IKBKB-DT: variants seen among roughly 807,000 people sequenced by gnomAD.
IKBKB-DT encodes the protein IKBKB antisense RNA.
chr8:42,242,717 C>T (rs1335837339), intron 3 of IKBKB-DT, among the ~76,000 whole-genome samples: 3 of 152,218 alleles, frequency 2.0e-5, no homozygotes, highest in Non-Finnish European at 4.4e-5. Context: ...GCCACCTCTG[C>T]CAAGTGTCCC....
At position 42,261,774 on chromosome 8, in the gene IKBKB-DT, T is replaced by C. The variant is rs113667744; in HGVS notation, n.1529+1555A>G. Among the ~76,000 whole-genome samples, 455 of 152,312 alleles carry C rather than the reference T, an allele frequency of 3.0e-3. 5 individuals carry two copies. The highest frequency in any genetic ancestry group is 0.024 in the Middle Eastern group (7 of 294). On this transcript the variant is annotated intron_variant and non_coding_transcript_variant, in intron 3 of 3. Coordinates refer to ENST00000518213, the Ensembl canonical transcript of IKBKB-DT. ...CTCTTTGAACTAGATTCTGACCGTT[T>C]TGATGATTGTAGGTTGACAGACACT...
At chr8:42,238,439 T>C (rs1806953221) in intron 3 of IKBKB-DT, among the ~76,000 whole-genome samples, 1 of 152,188 alleles carries the variant, frequency 6.6e-6, no homozygotes, top group Non-Finnish European at 1.5e-5. Flanking sequence ...GACCCCCTCC[T>C]TGTTCAGGGA....
intron 3 of IKBKB-DT, among the ~76,000 whole-genome samples, chr8:42,256,584 T>C (rs566584781): frequency 3.5e-4 from 53 of 152,022 alleles, no homozygotes; most frequent in African/African-American, 1.3e-3. Context: ...AAAAAAATAA[T>C]AATAATTAAA....
intron 3 of IKBKB-DT, among the ~76,000 whole-genome samples, chr8:42,251,444 A>G (rs1296317706): frequency 1.3e-5 from 2 of 152,216 alleles, no homozygotes; most frequent in African/African-American, 4.8e-5. Flanking sequence ...AGGAAGCAAT[A>G]ACATGTCCAT....
At chr8:42,234,796 A>G (rs1435802176) in intron 3 of IKBKB-DT, among the ~76,000 whole-genome samples, 1 of 151,920 alleles carries the variant, frequency 6.6e-6, no homozygotes, top group African/African-American at 2.4e-5. Flanking sequence ...CGCCTGACTA[A>G]TTTTTGTACT....
At chr8:42,239,650 A>ATT in intron 3 of IKBKB-DT, among the ~76,000 whole-genome samples, 1 of 110,752 alleles carries the variant, frequency 9.0e-6, no homozygotes, top group Non-Finnish European at 1.8e-5. Flanking sequence ...TTATTTATTC[A>ATT]TTTTTTTTTT....
intron 3 of IKBKB-DT, among the ~76,000 whole-genome samples, chr8:42,254,033 T>G (rs1172863683): frequency 2.0e-5 from 3 of 152,222 alleles, no homozygotes; most frequent in African/African-American, 7.2e-5. Flanking sequence ...GGGCAAATAT[T>G]TAGGCTAAAT....
At chr8:42,257,723 C>T (rs889283229) in intron 3 of IKBKB-DT, among the ~76,000 whole-genome samples, 7 of 151,908 alleles carry the variant, frequency 4.6e-5, no homozygotes, top group African/African-American at 1.5e-4. Context: ...CACTTGAGCC[C>T]ACGAGTTCGA....
chr8:42,241,039 T>C (rs985658775), intron 3 of IKBKB-DT, among the ~76,000 whole-genome samples: 1 of 152,172 alleles, frequency 6.6e-6, no homozygotes, highest in Non-Finnish European at 1.5e-5. Context: ...CAATTCAACC[T>C]TCTTTTCTGT....
intron 2 of IKBKB-DT, chr8:42,263,545 T>C (rs1273892101): frequency 6.6e-6 from 1 of 152,210 alleles, no homozygotes; most frequent in Non-Finnish European, 1.5e-5. Context: ...CAGGTATACA[T>C]AGGAGATACC....
intron 3 of IKBKB-DT, among the ~76,000 whole-genome samples, chr8:42,257,725 C>T (rs147519538): frequency 1.2e-4 from 18 of 151,968 alleles, no homozygotes; most frequent in African/African-American, 2.4e-4. Context: ...CTTGAGCCCA[C>T]GAGTTCGACA....
chr8:42,262,329 A>G (rs533106341), intron 3 of IKBKB-DT, among the ~76,000 whole-genome samples: 1 of 151,868 alleles, frequency 6.6e-6, no homozygotes, highest in East Asian at 1.9e-4. Context: ...TTAAAAAAAA[A>G]AAGAAAAGAA....
intron 3 of IKBKB-DT, among the ~76,000 whole-genome samples, chr8:42,252,178 A>G (rs143892968): frequency 7.2e-5 from 11 of 152,314 alleles, no homozygotes; most frequent in African/African-American, 2.4e-4. Context: ...TCTGCATAAT[A>G]AAAGATTAGG....
exon 2 of IKBKB-DT, chr8:42,266,029 C>T (rs1807364423): frequency 6.6e-6 from 1 of 152,330 alleles, no homozygotes; most frequent in Admixed American, 6.5e-5. Flanking sequence ...AGCCCACCCT[C>T]ATCTCCCACC....
intron 3 of IKBKB-DT, among the ~76,000 whole-genome samples, chr8:42,248,869 CAAAAAAA>C (rs1326485245): frequency 1.5e-5 from 1 of 68,002 alleles, no homozygotes; most frequent in Non-Finnish European, 3.3e-5. Context: ...GAGGCTCTAC[CAAAAAAA>C]AAAAAAAAAA....
intron 1 of IKBKB-DT, among the ~76,000 whole-genome samples, chr8:42,269,147 T>C (rs1002515963): frequency 1.3e-5 from 2 of 150,816 alleles, no homozygotes; most frequent in African/African-American, 2.4e-5. Context: ...GAGACCCCCA[T>C]GTCAACAAAA....
rs570166322 is a variant in IKBKB-DT, at chr8:42,249,063, T to C, written n.1529+14266A>G. On this transcript the variant is annotated intron_variant and non_coding_transcript_variant, in intron 3 of 3. Transcript: ENST00000518213. ...ATACAACTTTTATTAAACATTTCTT[T>C]CACAGAACGAGATTTTTTTATTGGG... 3.3e-5 allele frequency: 5 copies of C among 152,214 alleles called. No homozygotes were observed. In the South Asian group the frequency reaches 1.0e-3, roughly 32 times the overall value. 9.4% of individuals were successfully genotyped at this position (152,214 alleles called of 1,614,324 possible).
intron 3 of IKBKB-DT, among the ~76,000 whole-genome samples, chr8:42,254,764 C>T (rs1194045923): frequency 6.6e-6 from 1 of 151,364 alleles, no homozygotes; most frequent in African/African-American, 2.4e-5. Context: ...CGCCTCTGCC[C>T]AGCCGCCCAA....
At chr8:42,236,781 C>T (rs1806929059) in intron 3 of IKBKB-DT, among the ~76,000 whole-genome samples, 1 of 152,048 alleles carries the variant, frequency 6.6e-6, no homozygotes, top group Admixed American at 6.6e-5. Context: ...TCATAGGTCA[C>T]TGTGAAACAA....
Sources: allele counts gnomAD v4.1 joint callset (sites outside exome capture counted in the v4.1 genomes callset), GRCh38; gene constraint gnomAD v4.1.1; transcripts MANE v1.5; gene names NCBI Gene and HGNC (gene_info 2026-07-23, HGNC 2026-07-21).